Variants in ATE1 observed in about 807,000 individuals in gnomAD.
ATE1 encodes the protein arginyltransferase 1, also known as arginyl-tRNA--protein transferase 1.
In ATE1, 36 loss-of-function variants were observed where a neutral mutation model predicts 70.5. The observed-to-expected ratio is 0.51, with a 90% CI of 0.39 to 0.67. ATE1 has a LOEUF of 0.67. ATE1 is among the 30% of genes least tolerant of loss of function. The pLI, the probability that ATE1 is intolerant of heterozygous loss-of-function variation, is 0.00. For missense variants in ATE1, 593 were observed against 629.5 expected (o/e 0.94, Z 0.62); for synonymous variants, 232 against 219.3 (o/e 1.06, Z -0.51).
chr10:121,877,997 A>G (rs1007852114), intron 7 of ATE1, among the ~76,000 whole-genome samples: 7 of 152,258 alleles, frequency 4.6e-5, no homozygotes, highest in African/African-American at 1.7e-4. Flanking sequence ...CAGCAATAGT[A>G]GAACAGATTA....
intron 11 of ATE1, among the ~76,000 whole-genome samples, chr10:121,762,334 A>G (rs959279559): frequency 4.6e-5 from 7 of 152,156 alleles, no homozygotes; most frequent in African/African-American, 1.7e-4. Context: ...AATTGCACCT[A>G]TGCTGTGGAT....
At chr10:121,836,639 C>G (rs1403544115) in intron 10 of ATE1, 79 bp downstream of exon 10, 3 of 885,954 alleles carry the variant, frequency 3.4e-6, no homozygotes, top group Non-Finnish European at 5.2e-6. Context: ...AGCTTCAAAC[C>G]CAGTGCCCTG....
rs75484310 is a variant in ATE1, at chr10:121,866,469, T to C, written c.975+3537A>G. On this transcript the variant is annotated intron_variant, in intron 8 of 11. Transcript: ENST00000224652. ...AAACAGACAGAAATTATCATTAAAC[T>C]TTGGATACTACTTTTCACCAAAGAG... 3.0e-3 allele frequency among the ~76,000 whole-genome samples: 455 copies of C among 152,322 alleles called. 4 individuals are homozygous for C. The highest frequency in any genetic ancestry group is 0.01 in the African/African-American group (434 of 41,564).
intron 7 of ATE1, among the ~76,000 whole-genome samples, chr10:121,894,633 C>G (rs967592692): frequency 1.3e-5 from 2 of 152,186 alleles, no homozygotes; most frequent in African/African-American, 4.8e-5. Context: ...GGTGTGGGAG[C>G]TCACGCCTGT....
intron 8 of ATE1, among the ~76,000 whole-genome samples, chr10:121,856,076 CAA>C (rs34106606): frequency 2.0e-3 from 249 of 125,720 alleles, no homozygotes; most frequent in Middle Eastern, 4.0e-3. Context: ...AACTATATCT[CAA>C]AAAAAAAAAA....
intron 5 of ATE1, among the ~76,000 whole-genome samples, chr10:121,908,780 C>A (rs1030647519): frequency 1.4e-4 from 21 of 152,168 alleles, no homozygotes; most frequent in African/African-American, 4.8e-4. Flanking sequence ...TTAAGACTTG[C>A]CCCCCTGCCC....
chr10:121,899,237 C>T (rs1421412210), intron 7 of ATE1, among the ~76,000 whole-genome samples: 2 of 151,944 alleles, frequency 1.3e-5, no homozygotes, highest in Non-Finnish European at 2.9e-5. Flanking sequence ...TCTGCATAAA[C>T]TAGAGTCAAT....
At chr10:121,772,580 GT>G (rs1386820689) in intron 11 of ATE1, among the ~76,000 whole-genome samples, 1 of 152,164 alleles carries the variant, frequency 6.6e-6, no homozygotes, top group Non-Finnish European at 1.5e-5. Context: ...ACAGCCTGAA[GT>G]AGTCTGTGTT....
chr10:121,852,453 T>C (rs571574443), intron 8 of ATE1, among the ~76,000 whole-genome samples: 6 of 152,050 alleles, frequency 3.9e-5, no homozygotes, highest in African/African-American at 7.2e-5. Context: ...GTTTGAAAAA[T>C]AGAAACACAC....
chr10:121,871,446 C>T (rs1041354274), intron 7 of ATE1, among the ~76,000 whole-genome samples: 1 of 151,906 alleles, frequency 6.6e-6, no homozygotes, highest in Non-Finnish European at 1.5e-5. Flanking sequence ...GAGACTAGGG[C>T]GAGACTCTGT....
chr10:121,890,389 G>A (rs1392779006), intron 7 of ATE1, among the ~76,000 whole-genome samples: 2 of 152,106 alleles, frequency 1.3e-5, no homozygotes, highest in Non-Finnish European at 2.9e-5. Context: ...GAATTTAGTA[G>A]TAAAATGTCA....
At position 121,927,673 on chromosome 10, in the gene ATE1, G is replaced by A. The variant is rs182251586; in HGVS notation, c.106+171C>T. ...AGGATTTTCCTGCAGAACAGGCACC[G>A]CGAAGCTGCCCCGCTAAGCCGGCGC... On this transcript the variant is annotated intron_variant, in intron 1 of 11. Transcript: ENST00000224652. 5.8e-3 allele frequency among the ~76,000 whole-genome samples: 883 copies of A among 152,296 alleles called. 11 individuals are homozygous for A. The highest frequency in any genetic ancestry group is 0.02 in the African/African-American group (848 of 41,572).
intron 8 of ATE1, among the ~76,000 whole-genome samples, chr10:121,847,314 G>C (rs1372665071): frequency 6.6e-6 from 1 of 152,100 alleles, no homozygotes; most frequent in Non-Finnish European, 1.5e-5. Context: ...TGGGCATGGT[G>C]GTGGGTACCT....
rs189203286 is a variant in ATE1, at chr10:121,828,334, T to C, written c.1257+8384A>G. On this transcript the variant is annotated intron_variant, in intron 10 of 11. Transcript: ENST00000224652. Reference sequence around the variant, plus strand: ...CTGAGTAACAAACCACCCAAAAACGTAGTGGCCTTAAACAATAACTTATTA... The same window carrying C: ...CTGAGTAACAAACCACCCAAAAACGCAGTGGCCTTAAACAATAACTTATTA... Among the ~76,000 whole-genome samples the C allele has an allele frequency of 4.3e-4, 65 of 152,284 alleles. No homozygotes were observed. The East Asian group carries it at 5.8e-3, about 14-fold the overall frequency.
At chr10:121,745,405 C>T (rs7897273) in intron 11 of ATE1, among the ~76,000 whole-genome samples, 86,598 of 151,938 alleles carry the variant, frequency 0.57, 25,061 homozygotes, top group East Asian at 0.72. Flanking sequence ...AGTATTTCCT[C>T]AAGCCCTTTA....
rs1434104323 is a variant in ATE1 at position 121,741,271 on chromosome 10, G to C, written c.*2409C>G. On this transcript the variant is annotated 3_prime_UTR_variant, in exon 12 of 12. Coordinates refer to ENST00000224652, the MANE Select transcript of ATE1 (RefSeq NM_001001976.3). ...TATTCACTCAGCTGGGGCTCAAAAG[G>C]ACAAATAGGTGTCCTTTTAAGACAC... 1 of 152,116 alleles carries C rather than the reference G, an allele frequency of 6.6e-6. No homozygotes were observed. Among genetic ancestry groups the C allele is most frequent in the Non-Finnish European group, 1.5e-5 (1 of 68,034 alleles). The allele number at this position is 152,116 out of a possible 1,614,324, so 9.4% of individuals were successfully genotyped here.
intron 9 of ATE1, among the ~76,000 whole-genome samples, chr10:121,840,776 ATATG>A (rs1163030838): frequency 6.6e-6 from 1 of 150,526 alleles, no homozygotes; most frequent in Non-Finnish European, 1.5e-5. Flanking sequence ...TACTTATATA[ATATG>A]TATATTTCCT....
intron 10 of ATE1, among the ~76,000 whole-genome samples, chr10:121,792,373 G>GA (rs1946488284): frequency 6.6e-6 from 1 of 152,132 alleles, no homozygotes; most frequent in East Asian, 1.9e-4. Context: ...GGATAAGAGG[G>GA]AGAGTTTTGT....
Position 121,823,244 on chromosome 10 carries a change from C to T in ATE1, c.1257+13474G>A, listed in dbSNP as rs1213231149. ...GGCAGAGCTTGCAGTGAGCTGAGATCGCACCACTGCATTACAGCCTGGGCG... is the reference window on the plus strand; with the variant it reads ...GGCAGAGCTTGCAGTGAGCTGAGATTGCACCACTGCATTACAGCCTGGGCG... On this transcript the variant is annotated intron_variant, in intron 10 of 11. Transcript: ENST00000224652. Among the ~76,000 whole-genome samples, 14 of 151,932 alleles carry T rather than the reference C, an allele frequency of 9.2e-5. 1 individual carries two copies. The highest frequency in any genetic ancestry group is 6.2e-4 in the South Asian group (3 of 4,824).
Sources: allele counts gnomAD v4.1 joint callset (sites outside exome capture counted in the v4.1 genomes callset), GRCh38; gene constraint gnomAD v4.1.1; transcripts MANE v1.5; gene names NCBI Gene and HGNC (gene_info 2026-07-23, HGNC 2026-07-21).